TMCC1: variants seen among roughly 807,000 people sequenced by gnomAD.
The protein encoded by TMCC1 is transmembrane and coiled-coil domain family 1.
TMCC1 carries 15 observed loss-of-function variants against 52.4 expected under a neutral mutation model. That is an observed-to-expected ratio of 0.29 (90% confidence interval 0.19 to 0.44). TMCC1 has a LOEUF of 0.44. Ranked by LOEUF, TMCC1 falls within the 20% of genes least tolerant of loss-of-function variation. The pLI is 1.00. For missense variants in TMCC1, 503 were observed against 806.0 expected (o/e 0.62, Z 4.55); for synonymous variants, 279 against 301.9 (o/e 0.92, Z 0.79).
intron 2 of TMCC1, among the ~76,000 whole-genome samples, chr3:129,873,450 A>G (rs2061031983): frequency 6.6e-6 from 1 of 151,926 alleles, no homozygotes; most frequent in Non-Finnish European, 1.5e-5. Context: ...GGGAGGTGGA[A>G]ATGGGAGGAT....
chr3:129,758,759 G>A (rs1446224686), intron 4 of TMCC1, among the ~76,000 whole-genome samples: 1 of 152,120 alleles, frequency 6.6e-6, no homozygotes, highest in Non-Finnish European at 1.5e-5. Flanking sequence ...TTCACATTGT[G>A]CAAACAGAGT....
chr3:129,873,111 G>A (rs530991668), intron 2 of TMCC1, among the ~76,000 whole-genome samples: 2 of 152,116 alleles, frequency 1.3e-5, no homozygotes, highest in African/African-American at 2.4e-5. Context: ...ATGTTGGCCA[G>A]GCTGGTCTCA....
rs148332517 is a variant in TMCC1, at chr3:129,772,184, T to A, written c.576+55619A>T. ...GATCATCCTGGGCAACATAGAGACC[T>A]CTTCTCTACAAAAAATAAACAAAGT... On this transcript the variant is annotated intron_variant, in intron 4 of 6. Coordinates refer to ENST00000393238, the MANE Select transcript of TMCC1 (RefSeq NM_001017395.5). Among the ~76,000 whole-genome samples the A allele has an allele frequency of 9.3e-3, 1,412 of 152,030 alleles. 13 individuals carry two copies. The highest frequency in any genetic ancestry group is 0.015 in the Non-Finnish European group (1,039 of 67,948).
At chr3:129,753,025 C>G (rs1335401421) in intron 4 of TMCC1, among the ~76,000 whole-genome samples, 1 of 152,136 alleles carries the variant, frequency 6.6e-6, no homozygotes, top group Non-Finnish European at 1.5e-5. Flanking sequence ...ATTATGAAAA[C>G]AGCAAAGGGA....
At chr3:129,667,707 G>A (rs2087580379) in intron 5 of TMCC1, among the ~76,000 whole-genome samples, 1 of 152,180 alleles carries the variant, frequency 6.6e-6, no homozygotes, top group African/African-American at 2.4e-5. Context: ...AGGTGTTAAT[G>A]AGCAGCTAAC....
At chr3:129,825,227 CA>C (rs1264990331) in intron 4 of TMCC1, among the ~76,000 whole-genome samples, 2 of 152,206 alleles carry the variant, frequency 1.3e-5, no homozygotes, top group Non-Finnish European at 2.9e-5. Context: ...GCTTACAGTT[CA>C]ACTAATTCAA....
At position 129,876,419 on chromosome 3, in the gene TMCC1, T is replaced by G. The variant is rs568476579; in HGVS notation, c.-184+3890A>C. ...AGAAAGAAGAGTAGCTGACAGCCAA[T>G]TAGCTCCTAGCCAATCCTTACATTT... On this transcript the variant is annotated intron_variant, in intron 2 of 6. Coordinates refer to ENST00000393238, the MANE Select transcript of TMCC1 (RefSeq NM_001017395.5). Among the ~76,000 whole-genome samples the G allele has an allele frequency of 1.1e-4, 17 of 152,168 alleles. 1 individual carries two copies. In the South Asian group the frequency reaches 2.1e-3, roughly 19 times the overall value.
At chr3:129,709,384 GA>G (rs957566696) in intron 4 of TMCC1, among the ~76,000 whole-genome samples, 1 of 148,998 alleles carries the variant, frequency 6.7e-6, no homozygotes, top group Non-Finnish European at 1.5e-5. Flanking sequence ...GCTGAGGTGG[GA>G]GGATCACCTG....
At chr3:129,819,664 G>A (rs1449192798) in intron 4 of TMCC1, 4 of 152,158 alleles carry the variant, frequency 2.6e-5, no homozygotes, top group Non-Finnish European at 5.9e-5. Context: ...TCTGGGCATT[G>A]TGTTCTGTTC....
chr3:129,777,979 T>C (rs1472357032), intron 4 of TMCC1, among the ~76,000 whole-genome samples: 1 of 152,164 alleles, frequency 6.6e-6, no homozygotes, highest in Non-Finnish European at 1.5e-5. Context: ...CTACTTTCTA[T>C]TGATTTCCCT....
intron 4 of TMCC1, among the ~76,000 whole-genome samples, chr3:129,774,822 G>T (rs2054896282): frequency 6.6e-6 from 1 of 152,170 alleles, no homozygotes; most frequent in South Asian, 2.1e-4. Context: ...GCAAGGGTGT[G>T]AATGGTAAAA....
intron 4 of TMCC1, among the ~76,000 whole-genome samples, chr3:129,792,602 A>G (rs1289027873): frequency 1.3e-5 from 2 of 152,212 alleles, no homozygotes; most frequent in Non-Finnish European, 1.5e-5. Flanking sequence ...ACTCACTAAC[A>G]TAACTATTCG....
intron 4 of TMCC1, among the ~76,000 whole-genome samples, chr3:129,763,271 T>C: frequency 6.8e-6 from 1 of 147,112 alleles, no homozygotes; most frequent in Non-Finnish European, 1.5e-5. Context: ...TAGCCAGGTG[T>C]GGAGCTCAGG....
At position 129,649,258 on chromosome 3, in the gene TMCC1, C is replaced by T. The variant is rs529151958; in HGVS notation, c.*2223G>A. 3.3e-5 allele frequency: 5 copies of T among 152,286 alleles called. No homozygotes were observed. The highest frequency in any genetic ancestry group is 2.1e-4 in the South Asian group (1 of 4,824). The allele number at this position is 152,286 out of a possible 1,614,324, so 9.4% of individuals were successfully genotyped here. On this transcript the variant is annotated 3_prime_UTR_variant, in exon 7 of 7. Transcript: ENST00000393238. ...GGGGGCTCTCTACTCTGAGCAATTA[C>T]GCTAAAGCAGAAAGTTAGGAGAAAC...
chr3:129,800,832 T>C (rs961829954), intron 4 of TMCC1, among the ~76,000 whole-genome samples: 1 of 152,130 alleles, frequency 6.6e-6, no homozygotes, highest in African/African-American at 2.4e-5. Context: ...TTTTTCACTA[T>C]GTTGCAAAGA....
At chr3:129,652,271 G>A (rs1012509022) in intron 6 of TMCC1, among the ~76,000 whole-genome samples, 2 of 151,976 alleles carry the variant, frequency 1.3e-5, no homozygotes, top group South Asian at 2.1e-4. Context: ...GAAAATATAC[G>A]GAATTATTAT....
At chr3:129,705,983 C>A (rs1230375254) in intron 4 of TMCC1, among the ~76,000 whole-genome samples, 1 of 151,630 alleles carries the variant, frequency 6.6e-6, no homozygotes, top group Non-Finnish European at 1.5e-5. Flanking sequence ...CTTTGCCTCC[C>A]AGGTTCAAGC....
At position 129,651,870 on chromosome 3, in the gene TMCC1, A is replaced by T; in HGVS notation, c.1648-75T>A. On this transcript the variant is annotated intron_variant, in intron 6 of 6. Transcript: ENST00000393238. This position sits in a 1 kb window ranked among gnomAD's most constrained non-coding sequence, Gnocchi z 5.1. The stretch of plus-strand genomic sequence containing the variant: ...GAGATGCTGACATGCCCCCTGGGCA[A>T]GCCAGATGCATCTTGAGCAATGCCA... 6.8e-7 allele frequency: 1 copy of T among 1,467,024 alleles called. No homozygotes were observed. The highest frequency in any genetic ancestry group is 9.1e-7 in the Non-Finnish European group (1 of 1,093,330). 90.9% of individuals were successfully genotyped at this position (1,467,024 alleles called of 1,614,324 possible).
intron 4 of TMCC1, among the ~76,000 whole-genome samples, chr3:129,705,951 C>T (rs1396808687): frequency 5.5e-5 from 8 of 146,364 alleles, no homozygotes; most frequent in African/African-American, 2.0e-4. Context: ...AGTGCAGTGG[C>T]ACCATCTCAG....
Sources: gnomAD v4.1 joint callset for allele counts (sites outside exome capture counted in the v4.1 genomes callset) on GRCh38, gnomAD v4.1.1 for gene constraint, Gnocchi (gnomAD v3.1) non-coding constraint, MANE v1.5 for transcripts, NCBI Gene and HGNC (gene_info 2026-07-23, HGNC 2026-07-21) for gene names.